NBEA: variants seen among roughly 807,000 people sequenced by gnomAD.
NBEA encodes the protein lysosomal-trafficking regulator 2.
Under a neutral mutation model 343.4 loss-of-function variants are expected in NBEA, and 44 were observed. The ratio of observed to expected loss-of-function variants is 0.13; its 90% confidence interval spans 0.10 to 0.16. The LOEUF is 0.16. Among genes scored for constraint, NBEA ranks in the 10% least tolerant of loss-of-function variants. The pLI, the probability that NBEA is intolerant of heterozygous loss-of-function variation, is 1.00. For synonymous variants in NBEA, 1,175 were observed against 1,238.7 expected (o/e 0.95, Z 1.08); for missense variants, 2,555 against 3,631.3 (o/e 0.70, Z 7.62).
chr13:35,157,199 T>C lies in NBEA; in HGVS notation c.2773T>C (p.Tyr925His). Residue 925 changes from tyrosine (Y) to histidine (H), a missense_variant, in exon 21 of 59, where the codon TAT becomes CAT. Coordinates refer to ENST00000379939, the MANE Select transcript of NBEA (RefSeq NM_001385012.1). The part of the protein sequence containing the change: ...MVYNIFRILL[Y>H]HAIKYEWGGW... Reference sequence around the variant, plus strand: ...CTACAATATCTTCCGGATTCTTTTGTATCATGCAATAAAATATGAATGGGG... The same window carrying C: ...CTACAATATCTTCCGGATTCTTTTGCATCATGCAATAAAATATGAATGGGG... 2 of 1,610,084 alleles carry C rather than the reference T, an allele frequency of 1.2e-6. No individual in the cohort carries two copies. Among genetic ancestry groups the C allele is most frequent in the Non-Finnish European group, 1.7e-6 (2 of 1,177,888 alleles).
At chr13:35,403,750 C>A (rs2152909122) in intron 38 of NBEA, among the ~76,000 whole-genome samples, 1 of 151,870 alleles carries the variant, frequency 6.6e-6, no homozygotes, top group African/African-American at 2.4e-5. Flanking sequence ...CCAAAATTGA[C>A]AAATGGGATC....
intron 38 of NBEA, among the ~76,000 whole-genome samples, chr13:35,360,497 C>A (rs2040749708): frequency 6.6e-6 from 1 of 151,990 alleles, no homozygotes; most frequent in Non-Finnish European, 1.5e-5. Context: ...AAAGGAAAAT[C>A]TCACCGTTTC....
chr13:35,134,467 AT>A (rs2067608975), intron 17 of NBEA, among the ~76,000 whole-genome samples: 1 of 152,008 alleles, frequency 6.6e-6, no homozygotes, highest in Non-Finnish European at 1.5e-5. Flanking sequence ...AAAATTGGAA[AT>A]AAAAAAAGAA....
chr13:35,125,433 C>T (rs1370796919), intron 17 of NBEA, among the ~76,000 whole-genome samples: 2 of 152,194 alleles, frequency 1.3e-5, no homozygotes, highest in Non-Finnish European at 2.9e-5. Context: ...ATACATATAT[C>T]ATGCCTGATA....
chr13:35,383,920 CTA>C (rs1185339846), intron 38 of NBEA, among the ~76,000 whole-genome samples: 1 of 151,818 alleles, frequency 6.6e-6, no homozygotes, highest in Admixed American at 6.6e-5. Context: ...ATAGTTTCTT[CTA>C]TGTTTGGCAT....
At chr13:35,561,189 T>TC (rs1237896081) in intron 44 of NBEA, among the ~76,000 whole-genome samples, 7 of 152,138 alleles carry the variant, frequency 4.6e-5, no homozygotes, top group African/African-American at 1.7e-4. Flanking sequence ...CATTTTATCT[T>TC]CCCAATGAGA....
At chr13:35,229,756 T>C (rs1259556257) in intron 33 of NBEA, among the ~76,000 whole-genome samples, 1 of 152,126 alleles carries the variant, frequency 6.6e-6, no homozygotes, top group African/African-American at 2.4e-5. Flanking sequence ...TAAAGGAGGT[T>C]CTTAGGCTGA....
chr13:35,103,426 T>C (rs2065752689), intron 11 of NBEA, among the ~76,000 whole-genome samples: 1 of 151,536 alleles, frequency 6.6e-6, no homozygotes, highest in South Asian at 2.1e-4. Flanking sequence ...TTTTTTTTTT[T>C]CTTACTTATT....
At chr13:35,043,071 T>C (rs1435805374) in intron 2 of NBEA, among the ~76,000 whole-genome samples, 1 of 151,870 alleles carries the variant, frequency 6.6e-6, no homozygotes, top group Admixed American at 6.6e-5. Flanking sequence ...AAGAAGACCG[T>C]CTATAATAAA....
At chr13:35,657,835 G>C (rs2084891407) in intron 55 of NBEA, among the ~76,000 whole-genome samples, 1 of 152,074 alleles carries the variant, frequency 6.6e-6, no homozygotes, top group South Asian at 2.1e-4. Flanking sequence ...AATGATGCAA[G>C]TGTTATTTCC....
At chr13:34,955,985 A>C (rs1470349637) in intron 1 of NBEA, among the ~76,000 whole-genome samples, 1 of 152,226 alleles carries the variant, frequency 6.6e-6, no homozygotes, top group African/African-American at 2.4e-5. Flanking sequence ...ATTAACCATC[A>C]TAAGAGGTAT....
At chr13:35,464,360 T>C (rs1291972356) in intron 40 of NBEA, among the ~76,000 whole-genome samples, 2 of 152,244 alleles carry the variant, frequency 1.3e-5, no homozygotes, top group African/African-American at 2.4e-5. Flanking sequence ...ACTGTGTTTT[T>C]GTCCAAACTA....
rs192245176 is a variant in NBEA at position 35,463,842 on chromosome 13, G to A, written c.6449-8558G>A. On this transcript the variant is annotated intron_variant, in intron 40 of 58. Transcript: ENST00000379939. Reference sequence around the variant, plus strand: ...GAGATAGAAATAAGAGAGCAGAGGGGGCAGGGGAGGGTAGGACTAGTAGCA... The same window carrying A: ...GAGATAGAAATAAGAGAGCAGAGGGAGCAGGGGAGGGTAGGACTAGTAGCA... 6.6e-5 allele frequency among the ~76,000 whole-genome samples: 10 copies of A among 152,148 alleles called. No homozygotes were observed. In the East Asian group the frequency reaches 1.9e-3, roughly 29 times the overall value.
rs1328304937 is a variant in NBEA at position 34,969,680 on chromosome 13, A to G, written c.294+26566A>G. ...TTTTCTGTGTTAGTTTGCTGAGGAT[A>G]ATGGCCTCCAGCTCCATCTATGTGT... On this transcript the variant is annotated intron_variant, in intron 1 of 58. Coordinates refer to ENST00000379939, the MANE Select transcript of NBEA (RefSeq NM_001385012.1). Among the ~76,000 whole-genome samples, 3 of 152,052 alleles carry G rather than the reference A, an allele frequency of 2.0e-5. No homozygotes were observed. The East Asian group carries it at 5.8e-4, about 29-fold the overall frequency.
intron 35 of NBEA, among the ~76,000 whole-genome samples, chr13:35,298,136 G>T (rs973943541): frequency 2.0e-5 from 3 of 147,854 alleles, no homozygotes; most frequent in African/African-American, 7.5e-5. Context: ...CTAGAGAAAA[G>T]AAAATGTTAT....
At chr13:35,413,869 A>C (rs2043737415) in intron 38 of NBEA, among the ~76,000 whole-genome samples, 1 of 152,136 alleles carries the variant, frequency 6.6e-6, no homozygotes, top group South Asian at 2.1e-4. Flanking sequence ...AAAATAAACA[A>C]ATGAAAAGAA....
At chr13:35,300,750 C>A (rs2152825773) in intron 35 of NBEA, among the ~76,000 whole-genome samples, 1 of 152,226 alleles carries the variant, frequency 6.6e-6, no homozygotes, top group Non-Finnish European at 1.5e-5. Context: ...TGCACTTTTC[C>A]ATAGGAGTCA....
chr13:34,973,762 C>A (rs2060075030), intron 1 of NBEA, among the ~76,000 whole-genome samples: 1 of 152,206 alleles, frequency 6.6e-6, no homozygotes, highest in Non-Finnish European at 1.5e-5. Context: ...TGGGTCTTAT[C>A]CTCTGTGGTG....
intron 33 of NBEA, among the ~76,000 whole-genome samples, chr13:35,223,313 G>A (rs921747927): frequency 2.6e-5 from 4 of 151,950 alleles, no homozygotes; most frequent in Admixed American, 1.3e-4. Flanking sequence ...AAAAGTATTC[G>A]TAGTACAAAG....
Sources: gnomAD v4.1 joint callset for allele counts (sites outside exome capture counted in the v4.1 genomes callset) on GRCh38, gnomAD v4.1.1 for gene constraint, MANE v1.5 for transcripts, NCBI Gene and HGNC (gene_info 2026-07-23, HGNC 2026-07-21) for gene names.